DPP6: variants seen among roughly 807,000 people sequenced by gnomAD.
DPP6 encodes the protein A-type potassium channel modulatory protein DPP6.
Under a neutral mutation model 122.6 loss-of-function variants are expected in DPP6, and 69 were observed. The ratio of observed to expected loss-of-function variants is 0.56; its 90% CI spans 0.46 to 0.69. DPP6 has a LOEUF of 0.69. Ranked by LOEUF, DPP6 falls within the 30% of genes least tolerant of loss-of-function variation. DPP6 has a pLI of 0.00. For missense variants in DPP6, 928 were observed against 1,116.9 expected, an observed-to-expected ratio of 0.83 and a Z score of 2.41; for synonymous variants, 418 against 433.1, an observed-to-expected ratio of 0.97 and a Z score of 0.43.
intron 1 of DPP6, among the ~76,000 whole-genome samples, chr7:154,322,279 G>A (rs536594698): frequency 6.6e-6 from 1 of 152,232 alleles, no homozygotes; most frequent in South Asian, 2.1e-4. Context: ...CATCACATTA[G>A]GATGCAATGT....
chr7:154,494,915 A>G (rs1203530643), intron 3 of DPP6, among the ~76,000 whole-genome samples: 2 of 152,218 alleles, frequency 1.3e-5, no homozygotes, highest in Non-Finnish European at 2.9e-5. Flanking sequence ...ATAACAAAGC[A>G]TGGGTGCTTT....
chr7:154,074,042 A>AT (rs1411334813), intron 1 of DPP6, among the ~76,000 whole-genome samples: 2,592 of 110,008 alleles, frequency 0.024, no homozygotes, highest in Middle Eastern at 0.062. Flanking sequence ...TATGTATGTA[A>AT]GTATCTATCT....
intron 8 of DPP6, among the ~76,000 whole-genome samples, chr7:154,765,272 C>T (rs1795826537): frequency 6.6e-6 from 1 of 152,168 alleles, no homozygotes; most frequent in South Asian, 2.1e-4. Flanking sequence ...AGCCTGTATC[C>T]TCCTCACTGC....
At chr7:153,803,687 T>C in the DPP6 span, among the ~76,000 whole-genome samples, 2 of 151,392 alleles carry the variant, frequency 1.3e-5, no homozygotes, top group African/African-American at 4.8e-5. Flanking sequence ...TATATATATG[T>C]ATTATATATG....
intron 1 of DPP6, among the ~76,000 whole-genome samples, chr7:154,066,166 T>G (rs1206537460): frequency 6.6e-6 from 1 of 151,910 alleles, no homozygotes; most frequent in Non-Finnish European, 1.5e-5. Flanking sequence ...TTCAAGTGAT[T>G]CTCCTGCCTC....
At chr7:154,543,358 C>A (rs1384653505) in intron 4 of DPP6, among the ~76,000 whole-genome samples, 1 of 152,174 alleles carries the variant, frequency 6.6e-6, no homozygotes, top group South Asian at 2.1e-4. Context: ...TAAAAACAGA[C>A]CCTCCTCATA....
intron 1 of DPP6, among the ~76,000 whole-genome samples, chr7:154,155,337 T>C (rs1215811847): frequency 6.6e-6 from 1 of 152,218 alleles, no homozygotes; most frequent in Non-Finnish European, 1.5e-5. Flanking sequence ...TGCCTTTCCC[T>C]GAACTCTGTT....
chr7:154,485,095 G>A (rs1823668881), intron 3 of DPP6, among the ~76,000 whole-genome samples: 1 of 152,092 alleles, frequency 6.6e-6, no homozygotes, highest in Non-Finnish European at 1.5e-5. Context: ...ATTGCAGAGA[G>A]TAATAAAGTC....
intron 1 of DPP6, among the ~76,000 whole-genome samples, chr7:154,273,034 C>T (rs1472586083): frequency 6.6e-6 from 1 of 152,150 alleles, no homozygotes; most frequent in African/African-American, 2.4e-5. Context: ...TTTATCACTT[C>T]CCTCACAAAT....
intron 8 of DPP6, among the ~76,000 whole-genome samples, chr7:154,738,148 G>A (rs1391684717): frequency 2.0e-5 from 3 of 152,194 alleles, no homozygotes; most frequent in Non-Finnish European, 1.5e-5. Flanking sequence ...ATGTCTGCGT[G>A]CCCAGCACAG....
intron 2 of DPP6, among the ~76,000 whole-genome samples, chr7:154,467,829 A>C (rs919746587): frequency 6.6e-6 from 1 of 152,160 alleles, no homozygotes; most frequent in African/African-American, 2.4e-5. Context: ...TTTCATCTCT[A>C]TGTTTGCCTT....
chr7:153,910,203 GGC>G, intron 1 of DPP6, among the ~76,000 whole-genome samples: 1 of 150,696 alleles, frequency 6.6e-6, no homozygotes, highest in East Asian at 1.9e-4. Context: ...TCCAGGGCCT[GGC>G]AGCACTTTTT....
At position 154,875,760 on chromosome 7, in the gene DPP6, G is replaced by C; in HGVS notation, c.1884-146G>C. ...ATAACACCTGGCTCACCTGCCCGGG[G>C]CAACAGAATCTGGGGTATGGAGTTG... On this transcript the variant is annotated intron_variant, in intron 19 of 25. Transcript: ENST00000377770. The surrounding 1 kb of genome is among the most constrained non-coding windows in gnomAD (Gnocchi z 4.5). The C allele has an allele frequency of 8.1e-7, 1 of 1,237,174 alleles. No individual in the cohort carries two copies. The highest frequency in any genetic ancestry group is 2.6e-5 in the East Asian group (1 of 39,210). 76.6% of individuals were successfully genotyped at this position (1,237,174 alleles called of 1,614,324 possible). A position where few individuals can be genotyped will look rare whatever the true frequency, so the allele number is the denominator to read the frequency against.
intron 1 of DPP6, among the ~76,000 whole-genome samples, chr7:154,402,064 G>T (rs1323631048): frequency 2.0e-5 from 3 of 151,960 alleles, no homozygotes; most frequent in African/African-American, 7.3e-5. Flanking sequence ...TCTCACACCA[G>T]TTAGAATGGC....
At chr7:154,744,010 C>T (rs1010866838) in intron 8 of DPP6, among the ~76,000 whole-genome samples, 12 of 152,158 alleles carry the variant, frequency 7.9e-5, no homozygotes, top group East Asian at 3.8e-4. Context: ...TGGTGACAAG[C>T]GGCCCTGTGT....
chr7:154,381,152 G>A (rs1813566819), intron 1 of DPP6, among the ~76,000 whole-genome samples: 1 of 152,098 alleles, frequency 6.6e-6, no homozygotes, highest in South Asian at 2.1e-4. Context: ...ATTTCCAGTG[G>A]GATCTCGTTG....
At chr7:154,171,950 TA>T (rs1176456682) in intron 1 of DPP6, among the ~76,000 whole-genome samples, 13 of 152,282 alleles carry the variant, frequency 8.5e-5, no homozygotes, top group African/African-American at 3.1e-4. Context: ...TTTTCCTGAC[TA>T]ACGTTATGAA....
intron 1 of DPP6, among the ~76,000 whole-genome samples, chr7:154,222,481 C>T (rs1184754749): frequency 6.7e-6 from 1 of 148,744 alleles, no homozygotes. Flanking sequence ...CATGGAGAAA[C>T]CCCATCTCTA....
chr7:154,724,008 G>A (rs115915519), intron 7 of DPP6, among the ~76,000 whole-genome samples: 1,540 of 152,294 alleles, frequency 0.01, 29 homozygotes, highest in African/African-American at 0.036. Context: ...TAGCTTAGGA[G>A]CTTCAGGAGA....
Sources: gnomAD v4.1 joint callset for allele counts (sites outside exome capture counted in the v4.1 genomes callset) on GRCh38, gnomAD v4.1.1 for gene constraint, Gnocchi (gnomAD v3.1) non-coding constraint, MANE v1.5 for transcripts, NCBI Gene and HGNC (gene_info 2026-07-23, HGNC 2026-07-21) for gene names.